The following FBXW8 variants were observed in gnomAD, a reference collection of about 807,000 sequenced individuals.
FBXW8 encodes F-box and WD repeat domain containing 8, also known as F-box/WD repeat-containing protein 8.
FBXW8 carries 57 observed loss-of-function variants against 65.3 expected under a neutral mutation model. The observed-to-expected ratio is 0.87, with a 90% CI of 0.71 to 1.09. FBXW8 has a LOEUF of 1.09. Among genes scored for constraint, FBXW8 ranks in the 50% least tolerant of loss-of-function variants. FBXW8 has a pLI of 0.00. For synonymous variants in FBXW8, 308 were observed against 330.2 expected (o/e 0.93, Z 0.73); for missense variants, 777 against 814.8 (o/e 0.95, Z 0.57).
intron 2 of FBXW8, among the ~76,000 whole-genome samples, chr12:116,937,813 A>G (rs1882271847): frequency 6.6e-6 from 1 of 151,042 alleles, no homozygotes; most frequent in South Asian, 2.1e-4. Flanking sequence ...GGTAACCCTA[A>G]TCCAGGCAGA....
intron 7 of FBXW8, among the ~76,000 whole-genome samples, chr12:116,991,915 GT>G (rs1302724292): frequency 6.6e-6 from 1 of 152,188 alleles, no homozygotes; most frequent in African/African-American, 2.4e-5. Flanking sequence ...ACATTAGCAT[GT>G]TACAGGCACC....
At chr12:116,976,699 C>T (rs1884968565) in intron 5 of FBXW8, among the ~76,000 whole-genome samples, 1 of 151,262 alleles carries the variant, frequency 6.6e-6, no homozygotes, top group South Asian at 2.1e-4. Flanking sequence ...CTCCTAGCCT[C>T]AAGTGATCTG....
At chr12:116,953,992 T>C (rs1443497528) in intron 4 of FBXW8, among the ~76,000 whole-genome samples, 3 of 151,062 alleles carry the variant, frequency 2.0e-5, no homozygotes, top group Admixed American at 6.6e-5. Flanking sequence ...CGGGCACCTG[T>C]AATCCTAGCT....
chr12:116,929,154 C>T (rs1881572771), intron 2 of FBXW8, among the ~76,000 whole-genome samples: 1 of 151,864 alleles, frequency 6.6e-6, no homozygotes, highest in African/African-American at 2.4e-5. Context: ...TGGCTTTGGC[C>T]ACACTTTGAG....
At chr12:116,998,994 G>A (rs781542691) in intron 7 of FBXW8, among the ~76,000 whole-genome samples, 5 of 152,082 alleles carry the variant, frequency 3.3e-5, no homozygotes, top group African/African-American at 7.2e-5. Flanking sequence ...AATTTCCTCC[G>A]CACTTCAGTC....
intron 8 of FBXW8, among the ~76,000 whole-genome samples, chr12:117,018,201 G>C (rs1170148562): frequency 6.6e-6 from 1 of 152,190 alleles, no homozygotes; most frequent in African/African-American, 2.4e-5. Context: ...TTTCATTAGA[G>C]AGGGGCTGGA....
In FBXW8 at chr12:116,991,335, CT is replaced by C. The variant is rs1331276947; in HGVS notation, c.1239+2467del. 2.6e-5 allele frequency among the ~76,000 whole-genome samples: 4 copies of C among 152,364 alleles called. No homozygotes were observed. The East Asian group carries it at 7.7e-4, about 29-fold the overall frequency. Reference sequence around the variant, plus strand: ...CATCTGATTGTGCTTAATGGATTTTCTGCTTCCTCAGAAAAACTTGAATTTT... The same window carrying C: ...CATCTGATTGTGCTTAATGGATTTTCGCTTCCTCAGAAAAACTTGAATTTT... On this transcript the variant is annotated intron_variant, in intron 7 of 10. Transcript: ENST00000652555.
chr12:116,959,219 T>G (rs544491884), intron 4 of FBXW8, among the ~76,000 whole-genome samples: 1 of 152,290 alleles, frequency 6.6e-6, no homozygotes, highest in South Asian at 2.1e-4. Context: ...TGCAATTTAG[T>G]GGTCGAATTG....
chr12:116,910,975 G>T lies in FBXW8; in HGVS notation c.-63G>T. 1 of 1,303,666 alleles carries T rather than the reference G, an allele frequency of 7.7e-7. No individual in the cohort carries two copies. Among genetic ancestry groups the T allele is most frequent in the Non-Finnish European group, 9.7e-7 (1 of 1,026,038 alleles). The allele number at this position is 1,303,666 out of a possible 1,614,324, so 80.8% of individuals were successfully genotyped here. On this transcript the variant is annotated 5_prime_UTR_variant, in exon 1 of 11. Coordinates refer to ENST00000652555, the MANE Select transcript of FBXW8 (RefSeq NM_153348.3). The stretch of plus-strand genomic sequence containing the variant: ...CCGGCCGCGGCGGACACTTCCCTGG[G>T]CGGGACTGTCTCGTGGCACCCGGTG...
intron 4 of FBXW8, among the ~76,000 whole-genome samples, chr12:116,952,960 A>C (rs1592880943): frequency 4.0e-5 from 6 of 151,410 alleles, no homozygotes; most frequent in Admixed American, 3.9e-4. Flanking sequence ...CTGGTCTCAA[A>C]CCCCTGGCTT....
intron 7 of FBXW8, among the ~76,000 whole-genome samples, chr12:116,991,760 G>A (rs1482342493): frequency 6.6e-6 from 1 of 152,202 alleles, no homozygotes; most frequent in Non-Finnish European, 1.5e-5. Context: ...GTCCATTATT[G>A]ATTAACTGTG....
chr12:116,931,706 A>G (rs1192372246), intron 2 of FBXW8, among the ~76,000 whole-genome samples: 1 of 149,900 alleles, frequency 6.7e-6, no homozygotes, highest in Non-Finnish European at 1.5e-5. Flanking sequence ...TGATTTTTGT[A>G]TATTGATTTT....
intron 7 of FBXW8, among the ~76,000 whole-genome samples, chr12:117,002,093 C>T (rs140434764): frequency 1.3e-5 from 2 of 152,184 alleles, no homozygotes; most frequent in Admixed American, 1.3e-4. Context: ...GTTGGTTTGG[C>T]CTCACTCCGG....
intron 2 of FBXW8, among the ~76,000 whole-genome samples, chr12:116,937,134 G>A (rs1379260165): frequency 6.6e-6 from 1 of 152,154 alleles, no homozygotes; most frequent in East Asian, 1.9e-4. Context: ...GGGCTCCATG[G>A]TGTTTGCCTT....
At chr12:116,998,322 C>T (rs1476548352) in intron 7 of FBXW8, among the ~76,000 whole-genome samples, 1 of 152,156 alleles carries the variant, frequency 6.6e-6, no homozygotes, top group Non-Finnish European at 1.5e-5. Context: ...TCCTGTATGC[C>T]AATAACATCT....
At chr12:116,973,525 G>A (rs1293046639) in intron 5 of FBXW8, among the ~76,000 whole-genome samples, 2 of 152,212 alleles carry the variant, frequency 1.3e-5, no homozygotes, top group Non-Finnish European at 2.9e-5. Context: ...ACACGATGCA[G>A]TGAGAAAAAA....
Position 117,017,330 on chromosome 12 carries a change from C to T in FBXW8, c.1368-6817C>T, listed in dbSNP as rs186086311. 6.6e-5 allele frequency among the ~76,000 whole-genome samples: 10 copies of T among 152,338 alleles called. No individual in the cohort carries two copies. In the East Asian group the frequency reaches 1.5e-3, roughly 23 times the overall value. On this transcript the variant is annotated intron_variant, in intron 8 of 10. Transcript: ENST00000652555. ...GGTCCAGAAAGGTTCAGTGACCAGT[C>T]AGTCCGAAGGGCTTGTTAATCTTGG...
chr12:116,990,386 G>A (rs917362315), intron 7 of FBXW8, among the ~76,000 whole-genome samples: 1 of 152,206 alleles, frequency 6.6e-6, no homozygotes. Context: ...AGGAAGTGGG[G>A]AAGGAGCAGG....
rs1369691779 is a variant in FBXW8, at chr12:117,028,139, C to A, written c.1764C>A (p.Asp588Glu). Reference protein sequence around the residue: ...SCDAMATHYYDLALAFPYNHV With the variant: ...SCDAMATHYYELALAFPYNHV ...ACGCCATGGCCACTCACTACTACGACCTCGCACTGGCCTTTCCCTATAACC... is the reference window on the plus strand; with the variant it reads ...ACGCCATGGCCACTCACTACTACGAACTCGCACTGGCCTTTCCCTATAACC... Residue 588 changes from aspartate (D) to glutamate (E), a missense_variant, in exon 11 of 11, where the codon GAC (aspartate) becomes GAA (glutamate). Physicochemically the swap from Asp to Glu is conservative, Grantham distance 45. Transcript: ENST00000652555. This position sits in a 1 kb window ranked among gnomAD's most constrained non-coding sequence, Gnocchi z 4.1. The A allele has an allele frequency of 1.2e-6, 2 of 1,614,072 alleles. No homozygotes were observed. The highest frequency in any genetic ancestry group is 1.3e-5 in the African/African-American group (1 of 74,942).
Sources: gnomAD v4.1 joint callset for allele counts (sites outside exome capture counted in the v4.1 genomes callset) on GRCh38, gnomAD v4.1.1 for gene constraint, Gnocchi (gnomAD v3.1) non-coding constraint, MANE v1.5 for transcripts, NCBI Gene and HGNC (gene_info 2026-07-23, HGNC 2026-07-21) for gene names.